DUS2: variants seen among roughly 807,000 people sequenced by gnomAD.
The protein encoded by DUS2 is tRNA-dihydrouridine(20) synthase [NAD(P)+]-like.
A neutral mutation model predicts 71.3 loss-of-function variants in DUS2; 52 were observed. That is an observed-to-expected ratio of 0.73 (90% CI 0.58 to 0.92). The LOEUF (loss-of-function observed/expected upper bound fraction) is 0.92, where lower values mean the gene tolerates loss of function less well. DUS2 is among the 40% of genes least tolerant of loss of function. The pLI, the probability that DUS2 is intolerant of heterozygous loss-of-function variation, is 0.00. For synonymous variants in DUS2, 204 were observed against 227.8 expected, an observed-to-expected ratio of 0.90 and a Z score of 0.94; for missense variants, 558 against 622.6, an observed-to-expected ratio of 0.90 and a Z score of 1.10.
At chr16:68,078,258 G>T in intron 15 of DUS2, 187 bp from the exon 16 acceptor site, 1 of 624,394 alleles carries the variant, frequency 1.6e-6, no homozygotes, top group Admixed American at 2.7e-5. Context: ...CCAGACACTT[G>T]AGGTCATTGT....
intron 8 of DUS2, 76 bp downstream of exon 8, chr16:68,061,189 A>G: frequency 6.9e-7 from 1 of 1,448,110 alleles, no homozygotes. Context: ...GCCTCCTTCC[A>G]CCAATACCAG....
intron 8 of DUS2, among the ~76,000 whole-genome samples, chr16:68,065,923 T>C (rs1285666613): frequency 6.6e-6 from 1 of 152,060 alleles, no homozygotes; most frequent in Non-Finnish European, 1.5e-5. Flanking sequence ...GCCCTTCCCC[T>C]AGAGACTGAC....
intron 3 of DUS2, among the ~76,000 whole-genome samples, chr16:68,046,769 C>G (rs531377936): frequency 6.7e-6 from 1 of 148,618 alleles, no homozygotes; most frequent in Non-Finnish European, 1.5e-5. Flanking sequence ...TTTTTTGAGA[C>G]GAAGTCTTGC....
At chr16:68,070,076 G>A (rs2034061799) in intron 10 of DUS2, 58 bp from the exon 11 acceptor site, 1 of 1,498,202 alleles carries the variant, frequency 6.7e-7, no homozygotes, top group South Asian at 1.1e-5. Flanking sequence ...GTAACCCTGT[G>A]TGAGTGGTGT....
In DUS2 at chr16:68,074,116, G is replaced by T; in HGVS notation, c.893G>T (p.Gly298Val). 6.2e-7 allele frequency: 1 copy of T among 1,614,184 alleles called. No homozygotes were observed. The highest frequency in any genetic ancestry group is 1.7e-5 in the Admixed American group (1 of 60,026). Residue 298 changes from glycine to valine, a missense_variant, in exon 13 of 17, where the codon GGA (glycine) becomes GTA (valine). Physicochemically the swap from Gly to Val is moderately radical, Grantham distance 109. Transcript: ENST00000565263. ...MLREQLESPQ[G>V]RLLHAAQSSR... ...CGAGAACAGCTGGAGTCGCCCCAGG[G>T]AAGGTTGCTCCATGCTGCCCAGTCT...
At chr16:68,049,687 G>A in intron 4 of DUS2, 137 bp downstream of exon 4, 1 of 791,022 alleles carries the variant, frequency 1.3e-6, no homozygotes, top group Non-Finnish European at 2.1e-6. Context: ...TCCCTTGAGA[G>A]CAGTCACTGA....
rs1252282132 is a variant in DUS2, at chr16:68,074,102, G to A, written c.879G>A (p.Leu293=). ...TGTGCCAGATGCTACGAGAACAGCT[G>A]GAGTCGCCCCAGGGAAGGTTGCTCC... The part of the protein sequence containing the change: ...YCLCQMLREQ[L]ESPQGRLLHA... The change falls in exon 13 of 17, where the codon CTG becomes CTA. Residue 293 remains leucine, a synonymous_variant. Transcript: ENST00000565263. The A allele has an allele frequency of 3.0e-5, 48 of 1,614,088 alleles. No homozygotes were observed. Among genetic ancestry groups the A allele is most frequent in the Non-Finnish European group, 4.1e-5 (48 of 1,180,036 alleles).
At chr16:68,075,287 G>A (rs1441735126) in intron 13 of DUS2, 68 bp from the exon 14 acceptor site, 1 of 1,438,754 alleles carries the variant, frequency 7.0e-7, no homozygotes, top group African/African-American at 1.4e-5. Flanking sequence ...TGGGGCCCTG[G>A]GGTCCTGCAG....
intron 12 of DUS2, among the ~76,000 whole-genome samples, chr16:68,073,519 G>A (rs2034115783): frequency 6.9e-6 from 1 of 145,642 alleles, no homozygotes; most frequent in African/African-American, 2.6e-5. Flanking sequence ...GCACGATCTT[G>A]GCTCACCGCA....
chr16:68,064,897 C>A (rs1373710164), intron 8 of DUS2, among the ~76,000 whole-genome samples: 4 of 152,212 alleles, frequency 2.6e-5, no homozygotes, highest in Admixed American at 2.0e-4. Flanking sequence ...CTCTGCTGCC[C>A]CCGCCTGTCT....
intron 3 of DUS2, among the ~76,000 whole-genome samples, chr16:68,049,259 C>T (rs887830879): frequency 3.3e-5 from 5 of 152,124 alleles, no homozygotes; most frequent in African/African-American, 1.2e-4. Flanking sequence ...CTAAGTGGTT[C>T]ATTCATTCTA....
At chr16:68,046,602 C>T (rs1310311881) in intron 3 of DUS2, among the ~76,000 whole-genome samples, 1 of 151,940 alleles carries the variant, frequency 6.6e-6, no homozygotes, top group Non-Finnish European at 1.5e-5. Flanking sequence ...AGGACTATTC[C>T]CATTTTTTAT....
In DUS2 at chr16:68,078,808, G is replaced by A; in HGVS notation, c.1304G>A (p.Gly435Asp). ...GCCATCGTCTGTCTGCGGAGCCAGG[G>A]CCTCCCTGAGGGTCGGCTGGGTGAG... ...AAAIVCLRSQ[G>D]LPEGRLGEES... Residue 435 changes from glycine to aspartate, a missense_variant, in exon 17 of 17, where the codon GGC becomes GAC. Physicochemically the swap from Gly to Asp is moderately conservative, Grantham distance 94. Transcript: ENST00000565263. 1 of 1,613,096 alleles carries A rather than the reference G, an allele frequency of 6.2e-7. No individual in the cohort carries two copies. The highest frequency in any genetic ancestry group is 1.1e-5 in the South Asian group (1 of 91,072).
At chr16:68,033,387 A>G (rs949526577) in intron 2 of DUS2, among the ~76,000 whole-genome samples, 4 of 152,100 alleles carry the variant, frequency 2.6e-5, no homozygotes, top group African/African-American at 9.7e-5. Context: ...GAAATGGGAA[A>G]GATTTTCTTT....
rs748706294 is a variant in DUS2, at chr16:68,054,635, C to G, written c.308+18C>G. On this transcript the variant is annotated intron_variant, in intron 6 of 16. Transcript: ENST00000565263. ...AGGCTTGTGTAAGTTCATCCTCTGT[C>G]TTTAGCACTGCCTTTGCCTCTCCTT... The G allele has an allele frequency of 6.2e-7, 1 of 1,614,152 alleles. No homozygotes were observed. The highest frequency in any genetic ancestry group is 8.5e-7 in the Non-Finnish European group (1 of 1,180,002).
At chr16:68,063,776 T>G (rs1446926485) in intron 8 of DUS2, among the ~76,000 whole-genome samples, 1 of 152,100 alleles carries the variant, frequency 6.6e-6, no homozygotes, top group African/African-American at 2.4e-5. Context: ...CAGGCTGGAG[T>G]GCAGTGGTGC....
chr16:68,061,033 A>T (rs1259903897), intron 7 of DUS2, 33 bp from the exon 8 acceptor site: 3 of 1,609,862 alleles, frequency 1.9e-6, no homozygotes, highest in Non-Finnish European at 2.6e-6. Flanking sequence ...TGTCTCCCAG[A>T]TGTAAGAAGA....
At chr16:68,027,706 A>T (rs1322691673) in intron 2 of DUS2, among the ~76,000 whole-genome samples, 2 of 152,256 alleles carry the variant, frequency 1.3e-5, no homozygotes, top group East Asian at 3.8e-4. Flanking sequence ...AGTTGCCAGG[A>T]TAGCTCCATG....
chr16:68,051,188 T>G (rs574868442), intron 4 of DUS2, among the ~76,000 whole-genome samples: 12 of 152,208 alleles, frequency 7.9e-5, no homozygotes, highest in Non-Finnish European at 1.5e-4. Context: ...TTGTGGAGCT[T>G]CTTTAGGAAG....
Sources: allele counts gnomAD v4.1 joint callset (sites outside exome capture counted in the v4.1 genomes callset), GRCh38; gene constraint gnomAD v4.1.1; transcripts MANE v1.5; gene names NCBI Gene and HGNC (gene_info 2026-07-23, HGNC 2026-07-21).